ADAMTS20: variants seen among roughly 807,000 people sequenced by gnomAD.
The protein encoded by ADAMTS20 is ADAM metallopeptidase with thrombospondin type 1 motif 20, also known as A disintegrin and metalloproteinase with thrombospondin motifs 20.
ADAMTS20 carries 225 observed loss-of-function variants against 260.1 expected under a neutral mutation model. The observed-to-expected ratio is 0.87, with a 90% confidence interval of 0.78 to 0.97. ADAMTS20 has a LOEUF of 0.97. Among genes scored for constraint, ADAMTS20 ranks in the 50% least tolerant of loss-of-function variants. The probability of loss-of-function intolerance (pLI) is 0.00; values close to 1 mark genes in which losing one functional copy is unlikely to be tolerated. For synonymous variants in ADAMTS20, 802 were observed against 769.5 expected, an observed-to-expected ratio of 1.04 and a Z score of -0.70; for missense variants, 2,400 against 2,337.7, an observed-to-expected ratio of 1.03 and a Z score of -0.55.
At chr12:43,474,471 C>A (rs1274253655) in intron 7 of ADAMTS20, among the ~76,000 whole-genome samples, 1 of 147,130 alleles carries the variant, frequency 6.8e-6, no homozygotes, top group Non-Finnish European at 1.5e-5. Context: ...AAGAGGGAAT[C>A]CTCCCTAACT....
chr12:43,447,377 A>G lies in ADAMTS20; in HGVS notation c.2080-665T>C, dbSNP rs1229529010. Among the ~76,000 whole-genome samples, 2 of 152,172 alleles carry G rather than the reference A, an allele frequency of 1.3e-5. 1 individual carries two copies. The highest frequency in any genetic ancestry group is 2.9e-5 in the Non-Finnish European group (2 of 68,016). ...AAATGCAATTCATCACATAAACAGA[A>G]CAAAATACAAAAATCACATGATTAT... On this transcript the variant is annotated intron_variant, in intron 14 of 38. Coordinates refer to ENST00000389420, the MANE Select transcript of ADAMTS20 (RefSeq NM_025003.5).
intron 7 of ADAMTS20, among the ~76,000 whole-genome samples, chr12:43,471,817 A>G (rs1942268125): frequency 7.2e-6 from 1 of 138,336 alleles, no homozygotes; most frequent in Non-Finnish European, 1.6e-5. Flanking sequence ...AAGGACATCC[A>G]CACCGAAAAC....
At chr12:43,432,562 A>C in intron 20 of ADAMTS20, 39 bp downstream of exon 20, 1 of 1,606,206 alleles carries the variant, frequency 6.2e-7, no homozygotes, top group Non-Finnish European at 8.5e-7. Context: ...AATTAGAAAG[A>C]AAGGGGCAAC....
rs570939190 is a variant in ADAMTS20, at chr12:43,354,173, T to A, written c.*36A>T. The A allele has an allele frequency of 1.4e-6, 2 of 1,421,358 alleles. No homozygotes were observed. Among genetic ancestry groups the A allele is most frequent in the Admixed American group, 2.0e-5 (1 of 49,132 alleles). 88.0% of individuals were successfully genotyped at this position (1,421,358 alleles called of 1,614,324 possible). A position where few individuals can be genotyped will look rare whatever the true frequency, so the allele number is the denominator to read the frequency against. On this transcript the variant is annotated 3_prime_UTR_variant, in exon 39 of 39. Transcript: ENST00000389420. Reference sequence around the variant, plus strand: ...AGTTATTTGAATATTCCAGAGAATATCCCCTCTTTAGGGCATACTTCCCCC... The same window carrying A: ...AGTTATTTGAATATTCCAGAGAATAACCCCTCTTTAGGGCATACTTCCCCC...
Position 43,464,598 on chromosome 12 carries a change from G to A in ADAMTS20, c.1502C>T (p.Pro501Leu), listed in dbSNP as rs1216030314. ...LAFGPGSQMC[P>L]HINICMHLWC... The stretch of plus-strand genomic sequence containing the variant: ...GGAATTTTCTTTTCTTACTATATGG[G>A]GACACATTTGTGACCCAGGACCAAA... Residue 501 changes from proline to leucine, a missense_variant, in exon 10 of 39, where the codon CCC (proline) becomes CTC (leucine). Transcript: ENST00000389420. 1.2e-6 allele frequency: 2 copies of A among 1,611,826 alleles called. No homozygotes were observed. The highest frequency in any genetic ancestry group is 1.7e-5 in the Admixed American group (1 of 59,566).
At chr12:43,478,019 CAAAT>C (rs1388568129) in intron 7 of ADAMTS20, among the ~76,000 whole-genome samples, 5 of 151,850 alleles carry the variant, frequency 3.3e-5, no homozygotes, top group African/African-American at 1.2e-4. Flanking sequence ...ATCAAACAAA[CAAAT>C]AAATAAGAGA....
intron 34 of ADAMTS20, 35 bp downstream of exon 34, chr12:43,376,201 A>G: frequency 1.3e-6 from 2 of 1,539,912 alleles, no homozygotes; most frequent in Middle Eastern, 1.7e-4. Flanking sequence ...TCAATGATCA[A>G]TGTTAAAATA....
At chr12:43,503,219 T>C (rs1197926061) in intron 3 of ADAMTS20, among the ~76,000 whole-genome samples, 3 of 152,126 alleles carry the variant, frequency 2.0e-5, no homozygotes, top group East Asian at 3.9e-4. Flanking sequence ...CCTTTCCTCT[T>C]TACTTCTTCC....
chr12:43,400,756 T>A (rs1940794625), intron 28 of ADAMTS20, among the ~76,000 whole-genome samples: 1 of 151,966 alleles, frequency 6.6e-6, no homozygotes, highest in African/African-American at 2.4e-5. Context: ...GTATATACCA[T>A]GGAGTGTGCT....
intron 22 of ADAMTS20, 96 bp downstream of exon 22, chr12:43,431,236 C>T: frequency 7.7e-7 from 1 of 1,304,782 alleles, no homozygotes; most frequent in Non-Finnish European, 1.0e-6. Flanking sequence ...AAGCCAAATT[C>T]CATTGCATCC....
intron 7 of ADAMTS20, among the ~76,000 whole-genome samples, chr12:43,487,440 AG>A (rs921396155): frequency 6.3e-5 from 3 of 47,576 alleles, no homozygotes; most frequent in Admixed American, 2.5e-4. Flanking sequence ...GGAGGGTGGG[AG>A]GGGGGTGAGG....
intron 4 of ADAMTS20, among the ~76,000 whole-genome samples, chr12:43,494,547 G>A (rs1410280386): frequency 6.6e-6 from 1 of 152,134 alleles, no homozygotes; most frequent in East Asian, 1.9e-4. Context: ...AATATTTACA[G>A]GTTTGTCATC....
intron 16 of ADAMTS20, 84 bp from the exon 17 acceptor site, chr12:43,440,153 T>C: frequency 1.1e-6 from 1 of 944,662 alleles, no homozygotes; most frequent in South Asian, 1.8e-5. Flanking sequence ...TTTTTTTTTT[T>C]TTTTTTTTGA....
chr12:43,354,157 A>G lies in ADAMTS20; in HGVS notation c.*52T>C. 2 of 1,310,178 alleles carry G rather than the reference A, an allele frequency of 1.5e-6. No individual in the cohort carries two copies. The highest frequency in any genetic ancestry group is 2.1e-6 in the Non-Finnish European group (2 of 941,124). 81.2% of individuals were successfully genotyped at this position (1,310,178 alleles called of 1,614,324 possible). On this transcript the variant is annotated 3_prime_UTR_variant, in exon 39 of 39. Transcript: ENST00000389420. Reference sequence around the variant, plus strand: ...TAAAGAAATGAGCACCAGTTATTTGAATATTCCAGAGAATATCCCCTCTTT... The same window carrying G: ...TAAAGAAATGAGCACCAGTTATTTGGATATTCCAGAGAATATCCCCTCTTT...
chr12:43,437,047 T>A (rs377691129), intron 18 of ADAMTS20, among the ~76,000 whole-genome samples: 1 of 152,188 alleles, frequency 6.6e-6, no homozygotes, highest in East Asian at 1.9e-4. Flanking sequence ...CAGCGCAAGG[T>A]CAGTAGACAT....
intron 28 of ADAMTS20, among the ~76,000 whole-genome samples, chr12:43,418,200 T>C (rs543685315): frequency 6.6e-6 from 1 of 152,174 alleles, no homozygotes; most frequent in Non-Finnish European, 1.5e-5. Flanking sequence ...GTCTTTAAGG[T>C]GAAGAAAACA....
At position 43,428,771 on chromosome 12, in the gene ADAMTS20, T is replaced by G; in HGVS notation, c.3518A>C (p.Gln1173Pro). The G allele has an allele frequency of 1.9e-6, 3 of 1,607,768 alleles. No homozygotes were observed. The highest frequency in any genetic ancestry group is 2.6e-6 in the Non-Finnish European group (3 of 1,175,982). ...ATCACGACAGCTTACATAGCGGGCT[T>G]GAGTACCTCTTCCACAAGATACGGA... ...PCSVSCGRGTQARYVSCRDAL... is the reference protein window; with the variant it reads ...PCSVSCGRGTPARYVSCRDAL... Residue 1173 changes from glutamine to proline, a missense_variant, in exon 25 of 39, where the codon CAA becomes CCA. Physicochemically the swap from Gln to Pro is moderately conservative, Grantham distance 76. Transcript: ENST00000389420.
chr12:43,393,464 T>C (rs1458434481), intron 29 of ADAMTS20, among the ~76,000 whole-genome samples: 1 of 151,974 alleles, frequency 6.6e-6, no homozygotes. Context: ...AGAGTGGAAA[T>C]GGATTAGGTA....
intron 29 of ADAMTS20, among the ~76,000 whole-genome samples, chr12:43,389,610 G>A (rs958133685): frequency 6.6e-6 from 1 of 152,158 alleles, no homozygotes; most frequent in African/African-American, 2.4e-5. Flanking sequence ...GAAGTTGCAT[G>A]CCAGTGGCTA....
Sources: gnomAD v4.1 joint callset for allele counts (sites outside exome capture counted in the v4.1 genomes callset) on GRCh38, gnomAD v4.1.1 for gene constraint, MANE v1.5 for transcripts, NCBI Gene and HGNC (gene_info 2026-07-23, HGNC 2026-07-21) for gene names.